CDC123: variants seen among roughly 807,000 people sequenced by gnomAD.
CDC123 encodes cell division cycle 123.
Under a neutral mutation model 54.4 loss-of-function variants are expected in CDC123, and 37 were observed. The ratio of observed to expected loss-of-function variants is 0.68; its 90% confidence interval spans 0.52 to 0.89. The LOEUF is 0.89. Among genes scored for constraint, CDC123 ranks in the 40% least tolerant of loss-of-function variants. CDC123 has a pLI of 0.00. For missense variants in CDC123, 361 were observed against 412.1 expected, an observed-to-expected ratio of 0.88 and a Z score of 1.07; for synonymous variants, 144 against 136.8, an observed-to-expected ratio of 1.05 and a Z score of -0.37.
chr10:12,245,560 C>G (rs1836121084), intron 10 of CDC123: 1 of 152,282 alleles, frequency 6.6e-6, no homozygotes, highest in Admixed American at 6.6e-5. Flanking sequence ...CCCGGCCCTG[C>G]TGGAATCTTT....
chr10:12,219,211 A>G (rs1340013177), intron 6 of CDC123, among the ~76,000 whole-genome samples: 2 of 152,200 alleles, frequency 1.3e-5, no homozygotes, highest in Non-Finnish European at 2.9e-5. Flanking sequence ...AGGTTGTAGT[A>G]TTATATTAAT....
At chr10:12,209,834 G>A (rs972765202) in intron 2 of CDC123, 133 bp from the exon 3 acceptor site, 5 of 788,254 alleles carry the variant, frequency 6.3e-6, no homozygotes, top group Non-Finnish European at 1.1e-5. Flanking sequence ...AGAGTGCTAG[G>A]ATTACAGGTG....
chr10:12,220,654 ATGTT>A (rs1189827996), intron 6 of CDC123, among the ~76,000 whole-genome samples: 1 of 152,260 alleles, frequency 6.6e-6, no homozygotes, highest in Non-Finnish European at 1.5e-5. Context: ...GTAAAGATGA[ATGTT>A]TGTCACAAAG....
chr10:12,234,509 G>C (rs912781131), intron 7 of CDC123, among the ~76,000 whole-genome samples: 1 of 152,168 alleles, frequency 6.6e-6, no homozygotes, highest in African/African-American at 2.4e-5. Flanking sequence ...GTGAGCCTCC[G>C]CACCTGGCTG....
intron 8 of CDC123, among the ~76,000 whole-genome samples, chr10:12,236,525 GA>G (rs1835978610): frequency 1.3e-5 from 2 of 151,802 alleles, no homozygotes; most frequent in East Asian, 3.9e-4. Context: ...CTTGAGCTCA[GA>G]AAGTGGAGGT....
chr10:12,209,559 A>G (rs771211669), intron 2 of CDC123, among the ~76,000 whole-genome samples: 3 of 151,330 alleles, frequency 2.0e-5, no homozygotes, highest in Admixed American at 1.3e-4. Context: ...TAAGGCTTTT[A>G]TTTTTATTTA....
intron 1 of CDC123, 64 bp from the exon 2 acceptor site, chr10:12,198,641 G>A (rs11257591): frequency 4.7e-6 from 4 of 856,302 alleles, no homozygotes; most frequent in Non-Finnish European, 5.8e-6. Context: ...CAAGTGTAGA[G>A]ATTTTTCTCT....
intron 6 of CDC123, 56 bp from the exon 7 acceptor site, chr10:12,230,892 C>A: frequency 6.7e-7 from 1 of 1,485,940 alleles, no homozygotes; most frequent in Non-Finnish European, 9.3e-7. Flanking sequence ...TAAGTGTGTG[C>A]ATAAACTGGC....
chr10:12,249,027 C>T (rs968047928), intron 11 of CDC123, among the ~76,000 whole-genome samples: 4 of 151,632 alleles, frequency 2.6e-5, no homozygotes, highest in African/African-American at 9.7e-5. Flanking sequence ...GGGAGAATCA[C>T]TTGAACCTGG....
intron 1 of CDC123, among the ~76,000 whole-genome samples, chr10:12,197,584 A>G (rs1029899760): frequency 1.3e-5 from 2 of 151,858 alleles, no homozygotes; most frequent in African/African-American, 2.4e-5. Flanking sequence ...TCACCGTGTT[A>G]GCCAGGATGG....
At chr10:12,204,732 C>T (rs975515678) in intron 2 of CDC123, among the ~76,000 whole-genome samples, 1 of 152,116 alleles carries the variant, frequency 6.6e-6, no homozygotes, top group African/African-American at 2.4e-5. Flanking sequence ...TGGCTCATGC[C>T]TGTAATTCCA....
Position 12,198,748 on chromosome 10 carries a change from G to A in CDC123, c.118G>A (p.Asp40Asn), listed in dbSNP as rs1261613976. 9 of 1,593,848 alleles carry A rather than the reference G, an allele frequency of 5.6e-6. No homozygotes were observed. The highest frequency in any genetic ancestry group is 3.4e-5 in the Admixed American group (2 of 58,666). The change falls in exon 2 of 13, where the codon GAT becomes AAT. Residue 40 changes from aspartate (D) to asparagine (N), a missense_variant. Physicochemically the swap from Asp to Asn is conservative, Grantham distance 23. Coordinates refer to ENST00000281141, the MANE Select transcript of CDC123 (RefSeq NM_006023.3). ...TCAGAATGTGAAGGATTATTTACTC[G>A]ATGATGGAACTCTGGTGGTTTCAGG... Reference protein sequence around the residue: ...LPQNVKDYLLDDGTLVVSGRD... With the variant: ...LPQNVKDYLLNDGTLVVSGRD...
chr10:12,234,573 G>A lies in CDC123; in HGVS notation c.490-475G>A, dbSNP rs17151455. On this transcript the variant is annotated intron_variant, in intron 7 of 12. Transcript: ENST00000281141. ...AGGGGTGCAGAACATATGAATGAAC[G>A]TATGGCACTGTGGTGAAAAGTTGTG... Among the ~76,000 whole-genome samples, 833 of 152,066 alleles carry A rather than the reference G, an allele frequency of 5.5e-3. 27 individuals carry two copies. The East Asian group carries it at 0.076, about 14-fold the overall frequency.
chr10:12,221,709 T>A (rs1219857570), intron 6 of CDC123, among the ~76,000 whole-genome samples: 1 of 151,244 alleles, frequency 6.6e-6, no homozygotes, highest in African/African-American at 2.4e-5. Flanking sequence ...TTTTTTTAAT[T>A]TGTATTTATT....
At chr10:12,197,327 G>A (rs1835370604) in intron 1 of CDC123, among the ~76,000 whole-genome samples, 1 of 152,062 alleles carries the variant, frequency 6.6e-6, no homozygotes, top group Non-Finnish European at 1.5e-5. Flanking sequence ...AAATTTAGTA[G>A]ATTTTCAAAC....
intron 10 of CDC123, among the ~76,000 whole-genome samples, chr10:12,243,875 A>C (rs2131768666): frequency 6.6e-6 from 1 of 152,308 alleles, no homozygotes; most frequent in South Asian, 2.1e-4. Context: ...ACATCTTAGC[A>C]GTATTCTCCA....
intron 6 of CDC123, among the ~76,000 whole-genome samples, chr10:12,227,286 G>T (rs1422528137): frequency 6.7e-6 from 1 of 149,724 alleles, no homozygotes. Flanking sequence ...GGGGAGAGGG[G>T]GAGGGGGAGG....
chr10:12,226,824 CAG>C (rs1265328965), intron 6 of CDC123, among the ~76,000 whole-genome samples: 1 of 151,828 alleles, frequency 6.6e-6, no homozygotes, highest in Admixed American at 6.6e-5. Context: ...GGCGGCCAGG[CAG>C]AGACGCTCCT....
chr10:12,243,137 G>A (rs548671570), intron 10 of CDC123, among the ~76,000 whole-genome samples: 3 of 151,564 alleles, frequency 2.0e-5, no homozygotes, highest in South Asian at 2.1e-4. Flanking sequence ...AGTGGCTCAC[G>A]CCTGTAATCT....
Sources: gnomAD v4.1 joint callset for allele counts (sites outside exome capture counted in the v4.1 genomes callset) on GRCh38, gnomAD v4.1.1 for gene constraint, MANE v1.5 for transcripts, NCBI Gene and HGNC (gene_info 2026-07-23, HGNC 2026-07-21) for gene names.